Variants in GPC6 observed in about 807,000 individuals in gnomAD.
GPC6 encodes glypican 6.
In GPC6, 14 loss-of-function variants were observed where a neutral mutation model predicts 55.2. The ratio of observed to expected loss-of-function variants is 0.25; its 90% confidence interval spans 0.17 to 0.40. GPC6 has a LOEUF of 0.40. Ranked by LOEUF, GPC6 falls within the 10% of genes least tolerant of loss-of-function variation. GPC6 has a pLI of 1.00. For synonymous variants in GPC6, 278 were observed against 259.6 expected (o/e 1.07, Z -0.68); for missense variants, 641 against 708.5 (o/e 0.90, Z 1.08).
intron 3 of GPC6, among the ~76,000 whole-genome samples, chr13:93,943,691 C>T (rs1337412369): frequency 6.6e-6 from 1 of 152,082 alleles, no homozygotes; most frequent in Non-Finnish European, 1.5e-5. Context: ...TTTAAAATTT[C>T]TTCACCCTCC....
At chr13:93,903,597 A>G (rs1050867677) in intron 3 of GPC6, among the ~76,000 whole-genome samples, 3 of 152,172 alleles carry the variant, frequency 2.0e-5, no homozygotes, top group Admixed American at 6.5e-5. Flanking sequence ...TTAAATTCCT[A>G]TTCTTCCACA....
At chr13:94,047,250 T>G (rs1883765888) in intron 4 of GPC6, among the ~76,000 whole-genome samples, 1 of 152,094 alleles carries the variant, frequency 6.6e-6, no homozygotes, top group Non-Finnish European at 1.5e-5. Context: ...GACAACCAAT[T>G]AAATATTACT....
At chr13:93,725,263 AT>A (rs1252927438) in intron 2 of GPC6, among the ~76,000 whole-genome samples, 1 of 152,008 alleles carries the variant, frequency 6.6e-6, no homozygotes, top group African/African-American at 2.4e-5. Context: ...CTGTTTTTTA[AT>A]TGTTTTTAAG....
At chr13:94,104,904 T>C (rs1052093921) in intron 4 of GPC6, among the ~76,000 whole-genome samples, 7 of 152,088 alleles carry the variant, frequency 4.6e-5, no homozygotes, top group Admixed American at 4.6e-4. Context: ...AGGTAATTTA[T>C]AGATTCAATG....
chr13:93,839,454 T>TATC (rs1887871725), intron 3 of GPC6, among the ~76,000 whole-genome samples: 1 of 152,180 alleles, frequency 6.6e-6, no homozygotes, highest in Non-Finnish European at 1.5e-5. Flanking sequence ...TAGGATCAGG[T>TATC]ATCAGGTCAT....
chr13:94,338,701 T>C (rs1235713488), intron 6 of GPC6, among the ~76,000 whole-genome samples: 1 of 152,098 alleles, frequency 6.6e-6, no homozygotes, highest in African/African-American at 2.4e-5. Context: ...AATTTTACAG[T>C]TGAGGAAATG....
intron 3 of GPC6, among the ~76,000 whole-genome samples, chr13:94,013,002 T>C (rs1239351416): frequency 6.6e-6 from 1 of 152,182 alleles, no homozygotes; most frequent in Non-Finnish European, 1.5e-5. Context: ...TGTGCACATA[T>C]TGAAAATTCA....
chr13:94,329,665 A>G (rs1877307497), intron 6 of GPC6, among the ~76,000 whole-genome samples: 1 of 152,220 alleles, frequency 6.6e-6, no homozygotes, highest in African/African-American at 2.4e-5. Context: ...ATGGACCTCC[A>G]TTCACAACAT....
chr13:93,402,359 T>C (rs1201869563), intron 1 of GPC6, among the ~76,000 whole-genome samples: 1 of 152,160 alleles, frequency 6.6e-6, no homozygotes, highest in Non-Finnish European at 1.5e-5. Flanking sequence ...TCAGTGTTTG[T>C]AGCACGCCAT....
At chr13:94,231,712 T>G (rs1167841812) in intron 4 of GPC6, among the ~76,000 whole-genome samples, 1 of 152,154 alleles carries the variant, frequency 6.6e-6, no homozygotes, top group East Asian at 1.9e-4. Context: ...CAAATGATCT[T>G]TTCCTATGAT....
Position 93,865,657 on chromosome 13 carries a change from C to A in GPC6, c.711+35112C>A, listed in dbSNP as rs574328578. ...TGTCTTTCATATATTTACCTTCTCT[C>A]ATCAAGGCACATGATAATAAAGATA... is the stretch of plus-strand genomic sequence containing the variant. On this transcript the variant is annotated intron_variant, in intron 3 of 8. Transcript: ENST00000377047. Among the ~76,000 whole-genome samples the A allele has an allele frequency of 7.2e-5, 11 of 151,840 alleles. No individual in the cohort carries two copies. In the South Asian group the frequency reaches 2.3e-3, roughly 31 times the overall value.
chr13:93,467,170 C>A (rs1258510238), intron 1 of GPC6, among the ~76,000 whole-genome samples: 1 of 152,114 alleles, frequency 6.6e-6, no homozygotes, highest in Non-Finnish European at 1.5e-5. Context: ...ATAATTTGAC[C>A]TTTAGTTAAC....
At chr13:93,987,527 G>A (rs959580318) in intron 3 of GPC6, among the ~76,000 whole-genome samples, 1 of 152,164 alleles carries the variant, frequency 6.6e-6, no homozygotes, top group Non-Finnish European at 1.5e-5. Context: ...TTTTAAATTT[G>A]ACTGTGACTA....
chr13:93,813,698 A>G, intron 2 of GPC6, among the ~76,000 whole-genome samples: 1 of 151,904 alleles, frequency 6.6e-6, no homozygotes, highest in Non-Finnish European at 1.5e-5. Context: ...CTTTTAATGA[A>G]GGATTTTTCA....
chr13:93,961,896 C>A (rs1333285814), intron 3 of GPC6, among the ~76,000 whole-genome samples: 1 of 152,066 alleles, frequency 6.6e-6, no homozygotes, highest in Non-Finnish European at 1.5e-5. Flanking sequence ...CTACTAAAAT[C>A]TTTGAGCCGT....
At chr13:93,772,797 A>T (rs1885344437) in intron 2 of GPC6, among the ~76,000 whole-genome samples, 1 of 152,126 alleles carries the variant, frequency 6.6e-6, no homozygotes, top group African/African-American at 2.4e-5. Context: ...TGTCTCCTGG[A>T]GCCTGAGGGC....
chr13:93,931,085 C>T (rs1278891291), intron 3 of GPC6, among the ~76,000 whole-genome samples: 1 of 152,156 alleles, frequency 6.6e-6, no homozygotes, highest in Non-Finnish European at 1.5e-5. Flanking sequence ...GAGAACTCAG[C>T]TCCAGCGATC....
chr13:93,504,134 T>A lies in GPC6; in HGVS notation c.161-41129T>A, dbSNP rs953510228. Among the ~76,000 whole-genome samples the A allele has an allele frequency of 1.4e-4, 21 of 152,124 alleles. 1 individual carries two copies. Among genetic ancestry groups the A allele is most frequent in the Admixed American group, 1.2e-3 (19 of 15,272 alleles). On this transcript the variant is annotated intron_variant, in intron 1 of 8. Coordinates refer to ENST00000377047, the MANE Select transcript of GPC6 (RefSeq NM_005708.5). The stretch of plus-strand genomic sequence containing the variant: ...CGGGTTTTGAGTAGGAGAGAGAAAA[T>A]GATCAATTCAACTGAAAAACATAAC...
intron 4 of GPC6, among the ~76,000 whole-genome samples, chr13:94,133,252 G>C (rs1411147162): frequency 7.8e-6 from 1 of 127,552 alleles, no homozygotes; most frequent in African/African-American, 2.9e-5. Flanking sequence ...CCACCATACA[G>C]GTACTGACCA....
Sources: allele counts gnomAD v4.1 joint callset (sites outside exome capture counted in the v4.1 genomes callset), GRCh38; gene constraint gnomAD v4.1.1; transcripts MANE v1.5; gene names NCBI Gene and HGNC (gene_info 2026-07-23, HGNC 2026-07-21).